PRKCA: variants seen among roughly 807,000 people sequenced by gnomAD.
The protein encoded by PRKCA is protein kinase C alpha.
A neutral mutation model predicts 87.0 loss-of-function variants in PRKCA; 27 were observed. The ratio of observed to expected loss-of-function variants is 0.31; its 90% CI spans 0.23 to 0.43. PRKCA has a LOEUF of 0.43. Among genes scored for constraint, PRKCA ranks in the 20% least tolerant of loss-of-function variants. The pLI, the probability that PRKCA is intolerant of heterozygous loss-of-function variation, is 1.00. For missense variants in PRKCA, 518 were observed against 852.3 expected, an observed-to-expected ratio of 0.61 and a Z score of 4.88; for synonymous variants, 329 against 311.1, an observed-to-expected ratio of 1.06 and a Z score of -0.61.
chr17:66,368,825 A>T (rs1908921794), intron 2 of PRKCA, among the ~76,000 whole-genome samples: 1 of 152,108 alleles, frequency 6.6e-6, no homozygotes, highest in Non-Finnish European at 1.5e-5. Flanking sequence ...ATTCATGTTG[A>T]CCTCTCAGCT....
intron 3 of PRKCA, among the ~76,000 whole-genome samples, chr17:66,537,385 A>C (rs546914451): frequency 6.2e-4 from 94 of 152,310 alleles, no homozygotes; most frequent in Non-Finnish European, 1.0e-3. Flanking sequence ...GGATCTAAGG[A>C]TATTAGGAGG....
At chr17:66,679,329 C>T (rs377694632) in intron 5 of PRKCA, among the ~76,000 whole-genome samples, 25 of 152,076 alleles carry the variant, frequency 1.6e-4, no homozygotes, top group Non-Finnish European at 2.2e-4. Context: ...TACAGGCGTC[C>T]GCCACCACAC....
chr17:66,667,113 G>A (rs533438711), intron 5 of PRKCA, among the ~76,000 whole-genome samples: 1 of 152,170 alleles, frequency 6.6e-6, no homozygotes, highest in Non-Finnish European at 1.5e-5. Flanking sequence ...CAAGCCGAAG[G>A]TCCCTGCCCA....
rs747553073 is a variant in PRKCA, at chr17:66,804,070, C to T, written c.*33C>T. 2 of 1,583,982 alleles carry T rather than the reference C, an allele frequency of 1.3e-6. No individual in the cohort carries two copies. Among genetic ancestry groups the T allele is most frequent in the South Asian group, 2.2e-5 (2 of 89,604 alleles). ...CAGCGAGAACAAACACCTCCCCAGCCCCCAGCCCTCCCCGCAGTGGGAAGT... is the reference window on the plus strand; with the variant it reads ...CAGCGAGAACAAACACCTCCCCAGCTCCCAGCCCTCCCCGCAGTGGGAAGT... On this transcript the variant is annotated 3_prime_UTR_variant, in exon 17 of 17. Transcript: ENST00000413366.
intron 16 of PRKCA, among the ~76,000 whole-genome samples, chr17:66,793,746 C>T (rs927598929): frequency 6.6e-6 from 1 of 152,076 alleles, no homozygotes; most frequent in Non-Finnish European, 1.5e-5. Flanking sequence ...GTCAGGTGAG[C>T]GTGGAGGCAC....
intron 3 of PRKCA, among the ~76,000 whole-genome samples, chr17:66,576,414 A>G (rs1969238941): frequency 6.6e-6 from 1 of 152,238 alleles, no homozygotes; most frequent in African/African-American, 2.4e-5. Context: ...TTAAGCCCAT[A>G]CTATAGAGAC....
chr17:66,639,381 A>T (rs538151013), intron 3 of PRKCA: 1 of 152,130 alleles, frequency 6.6e-6, no homozygotes, highest in African/African-American at 2.4e-5. Flanking sequence ...TCAGAGCTCT[A>T]CTATTATTTA....
At chr17:66,774,576 G>A (rs1349527837) in intron 14 of PRKCA, 13 of 947,332 alleles carry the variant, frequency 1.4e-5, no homozygotes, top group East Asian at 1.0e-4. Flanking sequence ...AGCCAAGATC[G>A]TGCCACTGCA....
chr17:66,668,159 A>G (rs1481258267), intron 5 of PRKCA, among the ~76,000 whole-genome samples: 3 of 152,218 alleles, frequency 2.0e-5, no homozygotes, highest in Non-Finnish European at 4.4e-5. Context: ...CGACCAGCCA[A>G]AAAACCTGGG....
intron 3 of PRKCA, among the ~76,000 whole-genome samples, chr17:66,586,160 AT>A (rs374523520): frequency 6.6e-6 from 1 of 152,198 alleles, no homozygotes; most frequent in African/African-American, 2.4e-5. Flanking sequence ...CTATGGCACC[AT>A]AACCTTGTTG....
At chr17:66,555,824 G>T (rs1238344486) in intron 3 of PRKCA, among the ~76,000 whole-genome samples, 1 of 152,058 alleles carries the variant, frequency 6.6e-6, no homozygotes, top group East Asian at 1.9e-4. Flanking sequence ...TAGGTGAAGG[G>T]TTTCCCTTCC....
chr17:66,321,349 G>T (rs1233806549), intron 2 of PRKCA, among the ~76,000 whole-genome samples: 1 of 152,150 alleles, frequency 6.6e-6, no homozygotes, highest in Non-Finnish European at 1.5e-5. Context: ...AAGACAGTTG[G>T]TCTGAAGATA....
At position 66,592,343 on chromosome 17, in the gene PRKCA, C is replaced by CAAAAAAAAAAAAAAAAAAAAAAAAA. The variant is rs71160581; in HGVS notation, c.289-48994_289-48993insAAAAAAAAAAAAAAAAAAAAAAAAA. Among the ~76,000 whole-genome samples the CAAAAAAAAAAAAAAAAAAAAAAAAA allele has an allele frequency of 2.4e-5, 2 of 82,384 alleles. 1 individual carries two copies. The highest frequency in any genetic ancestry group is 4.4e-5 in the Non-Finnish European group (2 of 45,636). 54.0% of individuals were successfully genotyped at this position (82,384 alleles called of 152,430 possible). On this transcript the variant is annotated intron_variant, in intron 3 of 16. Transcript: ENST00000413366. ...GCACTCCAGTCTGGGTGATCCGTCT[C>CAAAAAAAAAAAAAAAAAAAAAAAAA]AAAAAAAAAAAAAAAAAAGTTACCA...
chr17:66,309,825 A>G (rs62069940), intron 2 of PRKCA, among the ~76,000 whole-genome samples: 23,964 of 152,166 alleles, frequency 0.16, 2,495 homozygotes, highest in Non-Finnish European at 0.24. Context: ...AAGGAGAAGA[A>G]GACAGGAAGT....
intron 3 of PRKCA, among the ~76,000 whole-genome samples, chr17:66,543,899 G>C (rs1302768505): frequency 1.3e-5 from 2 of 152,124 alleles, no homozygotes; most frequent in African/African-American, 2.4e-5. Flanking sequence ...ACTTCAGCAG[G>C]CCCCATAATT....
chr17:66,402,411 GA>G (rs1475306280), intron 2 of PRKCA, among the ~76,000 whole-genome samples: 5 of 120,124 alleles, frequency 4.2e-5, no homozygotes, highest in African/African-American at 1.5e-4. Context: ...AAGAGGCCAA[GA>G]AATTTTTTTT....
Position 66,481,386 on chromosome 17 carries a change from C to A in PRKCA, c.206-14815C>A, listed in dbSNP as rs145046620. ...CACTGTGTGTCTACATTCCTGCCAA[C>A]CCCTGTATATATATGACAACGACTC... On this transcript the variant is annotated intron_variant, in intron 2 of 16. Coordinates refer to ENST00000413366, the MANE Select transcript of PRKCA (RefSeq NM_002737.3). Among the ~76,000 whole-genome samples the A allele has an allele frequency of 4.2e-3, 644 of 152,264 alleles. 7 individuals carry two copies. The highest frequency in any genetic ancestry group is 0.014 in the African/African-American group (590 of 41,552).
At chr17:66,628,856 G>A (rs539509779) in intron 3 of PRKCA, among the ~76,000 whole-genome samples, 121 of 152,116 alleles carry the variant, frequency 8.0e-4, no homozygotes, top group African/African-American at 2.7e-3. Flanking sequence ...GAGAAACCCC[G>A]TCTCTACTAA....
chr17:66,775,011 A>G, intron 14 of PRKCA: 1 of 985,406 alleles, frequency 1.0e-6, no homozygotes, highest in Non-Finnish European at 1.2e-6. Context: ...GGTGAATCGT[A>G]CTATCTGCCA....
Sources: gnomAD v4.1 joint callset for allele counts (sites outside exome capture counted in the v4.1 genomes callset) on GRCh38, gnomAD v4.1.1 for gene constraint, MANE v1.5 for transcripts, NCBI Gene and HGNC (gene_info 2026-07-23, HGNC 2026-07-21) for gene names.